The following DCLK2 variants were observed in gnomAD, a reference collection of about 807,000 sequenced individuals.
DCLK2 encodes the protein doublecortin like kinase 2.
A neutral mutation model predicts 78.4 loss-of-function variants in DCLK2; 31 were observed. That is an observed-to-expected ratio of 0.40 (90% confidence interval 0.30 to 0.53). DCLK2 has a LOEUF of 0.53. Ranked by LOEUF, DCLK2 falls within the 20% of genes least tolerant of loss-of-function variation. The probability of loss-of-function intolerance (pLI) is 0.61; values close to 1 mark genes in which losing one functional copy is unlikely to be tolerated. For synonymous variants in DCLK2, 407 were observed against 374.9 expected, an observed-to-expected ratio of 1.09 and a Z score of -0.99; for missense variants, 872 against 973.7, an observed-to-expected ratio of 0.90 and a Z score of 1.39.
At chr4:150,218,909 G>T (rs1740952576) in intron 5 of DCLK2, among the ~76,000 whole-genome samples, 1 of 152,142 alleles carries the variant, frequency 6.6e-6, no homozygotes, top group African/African-American at 2.4e-5. Flanking sequence ...TTCCTATTAA[G>T]AATTTGGCTG....
chr4:150,213,697 A>C (rs551848551), intron 5 of DCLK2, among the ~76,000 whole-genome samples: 1 of 152,326 alleles, frequency 6.6e-6, no homozygotes, highest in South Asian at 2.1e-4. Flanking sequence ...TGAATTTATC[A>C]ATTTGTGTAT....
chr4:150,233,075 T>A (rs1742206445), intron 10 of DCLK2, among the ~76,000 whole-genome samples: 1 of 152,190 alleles, frequency 6.6e-6, no homozygotes, highest in Non-Finnish European at 1.5e-5. Flanking sequence ...GACTGGGTAA[T>A]TTATGAAGAA....
intron 10 of DCLK2, among the ~76,000 whole-genome samples, chr4:150,234,315 T>G (rs1349266486): frequency 1.3e-5 from 2 of 152,252 alleles, no homozygotes; most frequent in Admixed American, 6.5e-5. Context: ...TATCATACAC[T>G]TGTCTGCCTC....
chr4:150,203,933 T>G, intron 5 of DCLK2, 44 bp downstream of exon 5: 1 of 1,533,400 alleles, frequency 6.5e-7, no homozygotes, highest in South Asian at 1.1e-5. Context: ...TTTTGTTATT[T>G]AGAGTTTCAT....
chr4:150,162,807 A>G (rs1371237608), intron 2 of DCLK2, among the ~76,000 whole-genome samples: 1 of 151,644 alleles, frequency 6.6e-6, no homozygotes, highest in Non-Finnish European at 1.5e-5. Context: ...TGCTGTACGT[A>G]CTCTTTGCTT....
intron 2 of DCLK2, among the ~76,000 whole-genome samples, chr4:150,127,469 C>T (rs905987387): frequency 2.0e-5 from 3 of 152,064 alleles, no homozygotes; most frequent in Non-Finnish European, 2.9e-5. Context: ...GGTTATAATT[C>T]CTTACTATCA....
At chr4:150,230,429 C>T (rs898766600) in intron 8 of DCLK2, among the ~76,000 whole-genome samples, 8 of 151,982 alleles carry the variant, frequency 5.3e-5, no homozygotes, top group African/African-American at 1.7e-4. Flanking sequence ...CAGGGAGAGG[C>T]GAATATATAG....
intron 11 of DCLK2, 69 bp from the exon 12 acceptor site, chr4:150,240,330 T>C: frequency 7.8e-7 from 1 of 1,280,620 alleles, no homozygotes; most frequent in African/African-American, 1.5e-5. Context: ...ATAAAGGCAA[T>C]ACTCCAGTAC....
intron 2 of DCLK2, among the ~76,000 whole-genome samples, chr4:150,152,396 C>T (rs1734963183): frequency 6.6e-6 from 1 of 152,202 alleles, no homozygotes; most frequent in Non-Finnish European, 1.5e-5. Flanking sequence ...ATTTTCCTGC[C>T]TCAGCCTCCT....
chr4:150,219,863 A>C (rs1353660418), intron 5 of DCLK2, among the ~76,000 whole-genome samples: 1 of 152,250 alleles, frequency 6.6e-6, no homozygotes, highest in Non-Finnish European at 1.5e-5. Flanking sequence ...GTAGGGGGAC[A>C]GATCATGGCC....
intron 3 of DCLK2, among the ~76,000 whole-genome samples, chr4:150,194,172 A>G (rs954447756): frequency 2.0e-5 from 3 of 152,038 alleles, no homozygotes; most frequent in Admixed American, 6.6e-5. Flanking sequence ...GATTTTTACA[A>G]TACCTTCTCG....
intron 2 of DCLK2, among the ~76,000 whole-genome samples, chr4:150,167,321 A>G (rs1736169646): frequency 6.6e-6 from 1 of 152,270 alleles, no homozygotes. Flanking sequence ...TGACTGCTAA[A>G]GAGACTTTTC....
chr4:150,131,575 T>C (rs1733316062), intron 2 of DCLK2, among the ~76,000 whole-genome samples: 1 of 151,992 alleles, frequency 6.6e-6, no homozygotes, highest in African/African-American at 2.4e-5. Context: ...TGTAAGAAAA[T>C]AATTGGGGTC....
intron 2 of DCLK2, among the ~76,000 whole-genome samples, chr4:150,179,066 T>C (rs139898881): frequency 0.18 from 27,578 of 152,094 alleles, 2,664 homozygotes; most frequent in Non-Finnish European, 0.22. Flanking sequence ...CTCACTCTGT[T>C]GCCCAGGCTG....
chr4:150,108,394 A>C (rs997525624), intron 2 of DCLK2, among the ~76,000 whole-genome samples: 1 of 150,958 alleles, frequency 6.6e-6, no homozygotes, highest in Non-Finnish European at 1.5e-5. Context: ...TACAAAAAAA[A>C]TTAGCTGGGC....
intron 2 of DCLK2, among the ~76,000 whole-genome samples, chr4:150,190,235 TTAGATAGATAGATAGATAGA>T (rs35680371): frequency 0.037 from 4,282 of 115,506 alleles, 100 homozygotes; most frequent in African/African-American, 0.065. Context: ...AGATGGATAG[TTAGATAGATAGATAGATAGA>T]TAGATAGATA....
chr4:150,192,859 G>C (rs538914632), intron 2 of DCLK2, among the ~76,000 whole-genome samples: 1 of 152,212 alleles, frequency 6.6e-6, no homozygotes, highest in Admixed American at 6.5e-5. Context: ...GGGAACCTGG[G>C]GGAAAAATCA....
At chr4:150,126,208 T>C (rs1047190502) in intron 2 of DCLK2, among the ~76,000 whole-genome samples, 7 of 151,372 alleles carry the variant, frequency 4.6e-5, no homozygotes, top group Non-Finnish European at 8.9e-5. Context: ...ACAGAAAATG[T>C]TTTTTGGCTA....
rs201467948 is a variant in DCLK2, at chr4:150,172,771, G to C, written c.757-20367G>C. ...GTTCTTTTTTTTTTTGGGGGGGGGG[G>C]GGATACCTTGCTCTTTCTCATCTTT... On this transcript the variant is annotated intron_variant, in intron 2 of 15. Transcript: ENST00000296550. Among the ~76,000 whole-genome samples, 242 of 133,946 alleles carry C rather than the reference G, an allele frequency of 1.8e-3. 5 individuals carry two copies. The East Asian group carries it at 0.047, about 26-fold the overall frequency. 87.9% of individuals were successfully genotyped at this position (133,946 alleles called of 152,430 possible).
Sources: gnomAD v4.1 joint callset for allele counts (sites outside exome capture counted in the v4.1 genomes callset) on GRCh38, gnomAD v4.1.1 for gene constraint, MANE v1.5 for transcripts, NCBI Gene and HGNC (gene_info 2026-07-23, HGNC 2026-07-21) for gene names.